The following SLC24A3 variants were observed in gnomAD, a reference collection of about 807,000 sequenced individuals.
SLC24A3 encodes sodium/potassium/calcium exchanger 3.
SLC24A3 carries 28 observed loss-of-function variants against 75.8 expected under a neutral mutation model. The observed-to-expected ratio is 0.37, with a 90% confidence interval of 0.27 to 0.51. SLC24A3 has a LOEUF of 0.51. SLC24A3 is among the 20% of genes least tolerant of loss of function. SLC24A3 has a pLI of 0.94. For missense variants in SLC24A3, 663 were observed against 847.8 expected (o/e 0.78, Z 2.71); for synonymous variants, 372 against 334.1 (o/e 1.11, Z -1.24).
rs6106110 is a variant in SLC24A3 at position 19,602,120 on chromosome 20, G to A, written c.612+16576G>A. Reference sequence around the variant, plus strand: ...ACCTGGGAGGTGGAAGTTGCAGTGAGCCGAGATTGTGCCACTGCACTCCAG... The same window carrying A: ...ACCTGGGAGGTGGAAGTTGCAGTGAACCGAGATTGTGCCACTGCACTCCAG... On this transcript the variant is annotated intron_variant, in intron 6 of 16. Transcript: ENST00000328041. Among the ~76,000 whole-genome samples, 84 of 152,276 alleles carry A rather than the reference G, an allele frequency of 5.5e-4. 2 individuals carry two copies. Among genetic ancestry groups the A allele is most frequent in the South Asian group, 5.0e-3 (24 of 4,820 alleles).
intron 7 of SLC24A3, among the ~76,000 whole-genome samples, chr20:19,663,964 C>T (rs1418803245): frequency 6.6e-6 from 1 of 152,102 alleles, no homozygotes; most frequent in Non-Finnish European, 1.5e-5. Context: ...GAATCTGTGC[C>T]CCACCTATGG....
At chr20:19,627,485 T>C (rs1275703668) in intron 6 of SLC24A3, among the ~76,000 whole-genome samples, 1 of 152,182 alleles carries the variant, frequency 6.6e-6, no homozygotes, top group African/African-American at 2.4e-5. Flanking sequence ...ACTTACACTT[T>C]CCATGGACAC....
chr20:19,397,647 C>CT lies in SLC24A3; in HGVS notation c.271+116580dup, dbSNP rs3057518. ...AAAGGTTGTGCTTTTTTTTTCTTTTCTTTTTTTTTTTTTTTTTTTTGAGTG... is the reference window on the plus strand; with the variant it reads ...AAAGGTTGTGCTTTTTTTTTCTTTTCTTTTTTTTTTTTTTTTTTTTTGAGTG... On this transcript the variant is annotated intron_variant, in intron 2 of 16. Coordinates refer to ENST00000328041, the MANE Select transcript of SLC24A3 (RefSeq NM_020689.4). Among the ~76,000 whole-genome samples, 1,067 of 116,996 alleles carry CT rather than the reference C, an allele frequency of 9.1e-3. 6 individuals are homozygous for CT. Among genetic ancestry groups the CT allele is most frequent in the African/African-American group, 0.02 (670 of 33,294 alleles). The allele number at this position is 116,996 out of a possible 152,430, so 76.8% of individuals were successfully genotyped here. A position where few individuals can be genotyped will look rare whatever the true frequency, so the allele number is the denominator to read the frequency against.
intron 2 of SLC24A3, among the ~76,000 whole-genome samples, chr20:19,486,547 G>A (rs925009178): frequency 2.6e-5 from 4 of 152,170 alleles, no homozygotes; most frequent in Non-Finnish European, 5.9e-5. Context: ...TCAGGTTTGG[G>A]GGCCATGGCC....
intron 8 of SLC24A3, among the ~76,000 whole-genome samples, chr20:19,666,543 C>G (rs768242078): frequency 6.6e-5 from 10 of 152,104 alleles, no homozygotes; most frequent in Non-Finnish European, 1.3e-4. Context: ...AAACCAAGCT[C>G]CATGTTCCCA....
chr20:19,363,520 A>G (rs909673369), intron 2 of SLC24A3, among the ~76,000 whole-genome samples: 5 of 152,200 alleles, frequency 3.3e-5, no homozygotes, highest in Non-Finnish European at 7.3e-5. Flanking sequence ...TGAGTGCTCT[A>G]TCAATGCTGA....
intron 1 of SLC24A3, among the ~76,000 whole-genome samples, chr20:19,264,754 A>G (rs532484383): frequency 6.6e-6 from 1 of 150,962 alleles, no homozygotes; most frequent in African/African-American, 2.4e-5. Flanking sequence ...AACAAAACAA[A>G]AACGTGCAGC....
At chr20:19,707,287 G>C (rs964418254) in intron 15 of SLC24A3, among the ~76,000 whole-genome samples, 2 of 152,162 alleles carry the variant, frequency 1.3e-5, no homozygotes, top group Non-Finnish European at 2.9e-5. Flanking sequence ...TACAGGGAGA[G>C]GAGGTGAGAC....
At chr20:19,312,474 A>G (rs1984481684) in intron 2 of SLC24A3, among the ~76,000 whole-genome samples, 1 of 152,216 alleles carries the variant, frequency 6.6e-6, no homozygotes, top group East Asian at 1.9e-4. Context: ...CAGGGTAAAA[A>G]GTTAAAATCA....
intron 2 of SLC24A3, among the ~76,000 whole-genome samples, chr20:19,449,568 C>A (rs1176314092): frequency 1.3e-5 from 2 of 152,202 alleles, no homozygotes; most frequent in Non-Finnish European, 2.9e-5. Flanking sequence ...GATGTCCAGG[C>A]CTATGGCTCT....
At chr20:19,228,799 T>G (rs1258327585) in intron 1 of SLC24A3, among the ~76,000 whole-genome samples, 1 of 152,236 alleles carries the variant, frequency 6.6e-6, no homozygotes, top group Non-Finnish European at 1.5e-5. Flanking sequence ...ATATTTTTAA[T>G]ATGATGCTGG....
intron 2 of SLC24A3, among the ~76,000 whole-genome samples, chr20:19,378,232 G>A (rs1382603951): frequency 6.6e-6 from 1 of 151,824 alleles, no homozygotes; most frequent in East Asian, 1.9e-4. Context: ...CACTGGGCAT[G>A]CGTGCTGTCA....
intron 1 of SLC24A3, among the ~76,000 whole-genome samples, chr20:19,224,723 A>G (rs1291185568): frequency 6.6e-6 from 1 of 152,198 alleles, no homozygotes; most frequent in Non-Finnish European, 1.5e-5. Flanking sequence ...TTGAATCTTA[A>G]CATCCTGTTT....
At chr20:19,515,718 C>T (rs1170933097) in intron 3 of SLC24A3, among the ~76,000 whole-genome samples, 154 bp downstream of exon 3, 1 of 152,170 alleles carries the variant, frequency 6.6e-6, no homozygotes. Context: ...GGGGCCATCA[C>T]CAAATGGAGA....
intron 1 of SLC24A3, among the ~76,000 whole-genome samples, chr20:19,271,337 A>G (rs1983324466): frequency 2.0e-5 from 3 of 152,148 alleles, no homozygotes; most frequent in African/African-American, 4.8e-5. Context: ...TAAAAAAAAA[A>G]AAAGATGTTG....
intron 2 of SLC24A3, among the ~76,000 whole-genome samples, chr20:19,413,627 C>A (rs1052743120): frequency 3.9e-5 from 6 of 152,148 alleles, no homozygotes; most frequent in African/African-American, 1.4e-4. Context: ...CCAACCTCAC[C>A]TTTGCAGCAG....
At chr20:19,646,920 T>A (rs1205702011) in intron 6 of SLC24A3, among the ~76,000 whole-genome samples, 2 of 152,090 alleles carry the variant, frequency 1.3e-5, no homozygotes, top group African/African-American at 4.8e-5. Context: ...CATTTTTGGT[T>A]AGACAGTCCT....
At chr20:19,472,477 A>AT (rs1051869197) in intron 2 of SLC24A3, among the ~76,000 whole-genome samples, 1 of 152,224 alleles carries the variant, frequency 6.6e-6, no homozygotes. Context: ...AATGCCAGTG[A>AT]TGAGGACACT....
At chr20:19,492,905 A>G (rs1568633653) in intron 2 of SLC24A3, among the ~76,000 whole-genome samples, 2 of 152,206 alleles carry the variant, frequency 1.3e-5, no homozygotes, top group Non-Finnish European at 2.9e-5. Context: ...TCATACCTTA[A>G]GAGCTATCCA....
Sources: allele counts gnomAD v4.1 joint callset (sites outside exome capture counted in the v4.1 genomes callset), GRCh38; gene constraint gnomAD v4.1.1; transcripts MANE v1.5; gene names NCBI Gene and HGNC (gene_info 2026-07-23, HGNC 2026-07-21).